The following TENM3 variants were observed in gnomAD, a reference collection of about 807,000 sequenced individuals.
TENM3 encodes the protein teneurin transmembrane protein 3.
In TENM3, 63 loss-of-function variants were observed where a neutral mutation model predicts 255.1. The observed-to-expected ratio is 0.25, with a 90% CI of 0.20 to 0.30. The LOEUF (loss-of-function observed/expected upper bound fraction) is 0.30. Ranked by LOEUF, TENM3 falls within the 10% of genes least tolerant of loss-of-function variation. The pLI is 1.00. For synonymous variants in TENM3, 1,306 were observed against 1,322.3 expected (o/e 0.99, Z 0.27); for missense variants, 2,929 against 3,461.1 (o/e 0.85, Z 3.86).
intron 3 of TENM3, among the ~76,000 whole-genome samples, chr4:182,417,261 C>T (rs1247651832): frequency 6.6e-6 from 1 of 152,092 alleles, no homozygotes; most frequent in African/African-American, 2.4e-5. Context: ...CAGGCGTGAG[C>T]CACCGAGCCC....
chr4:181,792,349 A>G, the TENM3 span, among the ~76,000 whole-genome samples: 5 of 152,236 alleles, frequency 3.3e-5, no homozygotes, highest in Admixed American at 6.5e-5. Flanking sequence ...CATGAAAGTC[A>G]TAGAATGTTA....
intron 3 of TENM3, among the ~76,000 whole-genome samples, chr4:182,543,677 A>G (rs973703403): frequency 6.6e-5 from 10 of 151,994 alleles, no homozygotes; most frequent in Admixed American, 2.0e-4. Flanking sequence ...ATATATATAT[A>G]TGTGTGTGTA....
chr4:182,386,576 G>A (rs1472166345), intron 3 of TENM3, among the ~76,000 whole-genome samples: 1 of 152,234 alleles, frequency 6.6e-6, no homozygotes, highest in African/African-American at 2.4e-5. Context: ...GGCGCGAGCA[G>A]GAACTGGGGC....
chr4:182,230,384 C>T (rs1756480315), intron 1 of TENM3, among the ~76,000 whole-genome samples: 2 of 152,130 alleles, frequency 1.3e-5, no homozygotes, highest in Admixed American at 6.6e-5. Flanking sequence ...CTACTCAGCA[C>T]GTGCACTAGG....
chr4:182,185,200 C>A (rs918909817), intron 1 of TENM3, among the ~76,000 whole-genome samples: 1 of 152,134 alleles, frequency 6.6e-6, no homozygotes, highest in Non-Finnish European at 1.5e-5. Context: ...CATTTACTTT[C>A]TTTTATCGAC....
the TENM3 span, among the ~76,000 whole-genome samples, chr4:181,915,846 A>G: frequency 6.6e-6 from 1 of 152,092 alleles, no homozygotes; most frequent in Non-Finnish European, 1.5e-5. Context: ...AACGTGTACA[A>G]TTTTGAGTTA....
chr4:181,511,433 G>A, the TENM3 span, among the ~76,000 whole-genome samples: 1 of 152,286 alleles, frequency 6.6e-6, no homozygotes, highest in African/African-American at 2.4e-5. Flanking sequence ...CCTGGAGGAG[G>A]AGGACAGAAG....
the TENM3 span, among the ~76,000 whole-genome samples, chr4:181,793,119 G>T: frequency 3.3e-5 from 5 of 152,114 alleles, no homozygotes; most frequent in African/African-American, 1.2e-4. Flanking sequence ...TGCTCTCCTT[G>T]CCCCTTTGAA....
chr4:182,443,854 G>T (rs187345412), intron 3 of TENM3, among the ~76,000 whole-genome samples: 2 of 152,194 alleles, frequency 1.3e-5, no homozygotes, highest in Non-Finnish European at 2.9e-5. Context: ...CAGTGGACAT[G>T]ATTGGATATC....
chr4:182,557,160 C>G (rs928277681), intron 3 of TENM3, among the ~76,000 whole-genome samples: 4 of 152,070 alleles, frequency 2.6e-5, no homozygotes, highest in African/African-American at 9.7e-5. Flanking sequence ...AATTAAATGA[C>G]TTTTTCTATT....
the TENM3 span, among the ~76,000 whole-genome samples, chr4:182,114,618 T>C: frequency 6.6e-6 from 1 of 152,126 alleles, no homozygotes. Context: ...TCTATTAAAA[T>C]GCATAAGTAA....
At chr4:181,581,534 A>G in the TENM3 span, among the ~76,000 whole-genome samples, 822 of 152,244 alleles carry the variant, frequency 5.4e-3, 10 homozygotes, top group African/African-American at 0.019. Context: ...AGTCTTTTGT[A>G]AGACATACCA....
the TENM3 span, among the ~76,000 whole-genome samples, chr4:181,725,965 G>A: frequency 2.6e-5 from 4 of 151,988 alleles, no homozygotes; most frequent in East Asian, 1.9e-4. Flanking sequence ...TTTGCCTGCC[G>A]TTCAAACAAA....
At chr4:181,495,619 T>C in the TENM3 span, among the ~76,000 whole-genome samples, 2 of 152,132 alleles carry the variant, frequency 1.3e-5, no homozygotes, top group South Asian at 4.1e-4. Flanking sequence ...TCAGCAATGG[T>C]GTATGACGAC....
chr4:182,415,448 T>G lies in TENM3; in HGVS notation c.511+68519T>G, dbSNP rs539010621. On this transcript the variant is annotated intron_variant, in intron 3 of 27. Transcript: ENST00000511685. ...ATTGGAAAGAGGTAATATACATCTA[T>G]TAGGTTGTATACAAACCCTTTGACT... Among the ~76,000 whole-genome samples, 43 of 152,332 alleles carry G rather than the reference T, an allele frequency of 2.8e-4. 1 individual carries two copies. In the South Asian group the frequency reaches 8.9e-3, roughly 32 times the overall value.
chr4:181,775,243 T>C, the TENM3 span, among the ~76,000 whole-genome samples: 1 of 152,148 alleles, frequency 6.6e-6, no homozygotes, highest in South Asian at 2.1e-4. Flanking sequence ...AGCTCACTCC[T>C]CTGGTCTCTT....
chr4:182,322,365 A>G (rs1561318955), intron 1 of TENM3, among the ~76,000 whole-genome samples: 1 of 152,230 alleles, frequency 6.6e-6, no homozygotes, highest in Non-Finnish European at 1.5e-5. Flanking sequence ...GGAACCCTTC[A>G]TTGGCAACAT....
At chr4:182,106,998 T>TCC in the TENM3 span, among the ~76,000 whole-genome samples, 1 of 152,094 alleles carries the variant, frequency 6.6e-6, no homozygotes, top group Non-Finnish European at 1.5e-5. Flanking sequence ...CCTGCTTACC[T>TCC]CCCGTCAAAT....
chr4:181,605,602 A>G, the TENM3 span, among the ~76,000 whole-genome samples: 2 of 125,662 alleles, frequency 1.6e-5, 1 homozygote, highest in Non-Finnish European at 3.7e-5. Flanking sequence ...AGAAAGAAAG[A>G]AAGAAAGAAA....
Sources: gnomAD v4.1 joint callset for allele counts (sites outside exome capture counted in the v4.1 genomes callset) on GRCh38, gnomAD v4.1.1 for gene constraint, MANE v1.5 for transcripts, NCBI Gene and HGNC (gene_info 2026-07-23, HGNC 2026-07-21) for gene names.